The following NAV2 variants were observed in gnomAD, a reference collection of about 807,000 sequenced individuals.
The protein encoded by NAV2 is neuron navigator 2, also known as helicase, APC down-regulated 1.
In NAV2, 54 loss-of-function variants were observed where a neutral mutation model predicts 223.2. That is an observed-to-expected ratio of 0.24 (90% CI 0.19 to 0.30). The LOEUF (loss-of-function observed/expected upper bound fraction) is 0.30. Among genes scored for constraint, NAV2 ranks in the 10% least tolerant of loss-of-function variants. The probability of loss-of-function intolerance (pLI) is 1.00; values close to 1 mark genes in which losing one functional copy is unlikely to be tolerated. For synonymous variants in NAV2, 1,279 were observed against 1,239.3 expected, an observed-to-expected ratio of 1.03 and a Z score of -0.67; for missense variants, 2,806 against 3,147.5, an observed-to-expected ratio of 0.89 and a Z score of 2.60.
intron 1 of NAV2, among the ~76,000 whole-genome samples, chr11:19,580,126 G>A (rs938750664): frequency 3.9e-5 from 6 of 152,070 alleles, no homozygotes; most frequent in Non-Finnish European, 8.8e-5. Flanking sequence ...TGACCCAACC[G>A]GGGGGTGGGG....
At chr11:19,636,996 C>T (rs2047521351) in intron 1 of NAV2, among the ~76,000 whole-genome samples, 1 of 152,242 alleles carries the variant, frequency 6.6e-6, no homozygotes, top group South Asian at 2.1e-4. Flanking sequence ...CGTAGCTCAG[C>T]AGTTCTAACT....
At chr11:19,419,205 G>A (rs1173655281) in intron 1 of NAV2, among the ~76,000 whole-genome samples, 2 of 152,128 alleles carry the variant, frequency 1.3e-5, no homozygotes, top group Non-Finnish European at 2.9e-5. Flanking sequence ...ACTGTATTTT[G>A]CTCATCTTTG....
intron 1 of NAV2, among the ~76,000 whole-genome samples, chr11:19,569,466 T>C (rs1178003936): frequency 6.6e-6 from 1 of 152,228 alleles, no homozygotes; most frequent in African/African-American, 2.4e-5. Flanking sequence ...GAAAAACCCA[T>C]AAAATTTTTT....
At chr11:19,772,652 C>T (rs576674393) in intron 1 of NAV2, among the ~76,000 whole-genome samples, 10 of 152,320 alleles carry the variant, frequency 6.6e-5, no homozygotes, top group African/African-American at 2.4e-4. Context: ...CATGGGGTGC[C>T]ACAGTGCTTC....
chr11:19,515,327 A>ACAGCT (rs2043411494), intron 1 of NAV2, among the ~76,000 whole-genome samples: 1 of 152,218 alleles, frequency 6.6e-6, no homozygotes, highest in African/African-American at 2.4e-5. Flanking sequence ...CACAGCACTT[A>ACAGCT]CAGCTCAAAT....
chr11:19,949,333 C>A (rs2047195584), intron 10 of NAV2, among the ~76,000 whole-genome samples: 1 of 152,180 alleles, frequency 6.6e-6, no homozygotes, highest in Non-Finnish European at 1.5e-5. Flanking sequence ...CGCATCAGTC[C>A]CTTAAACCAA....
intron 2 of NAV2, among the ~76,000 whole-genome samples, chr11:19,841,364 T>G (rs568174366): frequency 6.6e-6 from 1 of 152,346 alleles, no homozygotes; most frequent in Non-Finnish European, 1.5e-5. Flanking sequence ...TTCTAAAATC[T>G]TGGAGGCTTG....
At position 20,045,149 on chromosome 11, in the gene NAV2, T is replaced by A; in HGVS notation, c.3381T>A (p.Gly1127=). The part of the protein sequence containing the change: ...ANSFGFKKQS[G]SAAGLAMITA... Reference sequence around the variant, plus strand: ...GCTTTGGGTTCAAGAAGCAGAGTGGTTCCGCCGCCGGCCTGGCCATGATCA... The same window carrying A: ...GCTTTGGGTTCAAGAAGCAGAGTGGATCCGCCGCCGGCCTGGCCATGATCA... Residue 1127 remains glycine, a synonymous_variant, in exon 14 of 38, where the codon GGT becomes GGA. Transcript: ENST00000349880. The A allele has an allele frequency of 6.2e-7, 1 of 1,614,066 alleles. No individual in the cohort carries two copies. The highest frequency in any genetic ancestry group is 8.5e-7 in the Non-Finnish European group (1 of 1,179,968).
At chr11:19,352,484 G>A (rs1421672673) in intron 1 of NAV2, among the ~76,000 whole-genome samples, 7 of 152,156 alleles carry the variant, frequency 4.6e-5, no homozygotes, top group African/African-American at 1.7e-4. Flanking sequence ...TCTTGGCTCT[G>A]GCTGTGTTGG....
intron 1 of NAV2, among the ~76,000 whole-genome samples, chr11:19,691,941 A>G (rs976079407): frequency 1.3e-5 from 2 of 152,196 alleles, no homozygotes; most frequent in Non-Finnish European, 2.9e-5. Context: ...AGGAGACAGG[A>G]GCTGACAACA....
At chr11:19,894,140 T>C (rs988556431) in intron 6 of NAV2, among the ~76,000 whole-genome samples, 17 of 152,346 alleles carry the variant, frequency 1.1e-4, no homozygotes, top group Middle Eastern at 3.4e-3. Flanking sequence ...ATTTTACCCC[T>C]ATTTTACGAA....
chr11:19,487,607 G>C (rs1190501238), intron 1 of NAV2, among the ~76,000 whole-genome samples: 1 of 152,130 alleles, frequency 6.6e-6, no homozygotes, highest in Non-Finnish European at 1.5e-5. Flanking sequence ...ATGTTACATA[G>C]GTCCATGTGG....
At position 20,032,828 on chromosome 11, in the gene NAV2, G is replaced by A. The variant is rs139167473; in HGVS notation, c.2769-3131G>A. ...CAGAAACTTGCTCTATCTTGCCTCTGCACATTGAGTTTGTCAGGAGGTATT... is the reference window on the plus strand; with the variant it reads ...CAGAAACTTGCTCTATCTTGCCTCTACACATTGAGTTTGTCAGGAGGTATT... On this transcript the variant is annotated intron_variant, in intron 11 of 37. Coordinates refer to ENST00000349880, the MANE Select transcript of NAV2 (RefSeq NM_145117.5). Among the ~76,000 whole-genome samples, 481 of 152,298 alleles carry A rather than the reference G, an allele frequency of 3.2e-3. 3 individuals are homozygous for A. The highest frequency in any genetic ancestry group is 0.011 in the African/African-American group (472 of 41,560).
chr11:19,834,939 T>C (rs2060151232), intron 2 of NAV2, among the ~76,000 whole-genome samples: 2 of 152,196 alleles, frequency 1.3e-5, no homozygotes, highest in Admixed American at 6.5e-5. Context: ...ATGTTCCAGA[T>C]AGCACTTGGC....
chr11:19,510,706 A>G (rs1261274492), intron 1 of NAV2, among the ~76,000 whole-genome samples: 1 of 152,222 alleles, frequency 6.6e-6, no homozygotes, highest in African/African-American at 2.4e-5. Context: ...TTTTCGGGCA[A>G]CAGGTTACCC....
In NAV2 at chr11:19,898,123, A is replaced by T. The variant is rs113030580; in HGVS notation, c.931+5529A>T. Among the ~76,000 whole-genome samples the T allele has an allele frequency of 4.4e-3, 675 of 152,132 alleles. 4 individuals are homozygous for T. Among genetic ancestry groups the T allele is most frequent in the African/African-American group, 0.015 (641 of 41,510 alleles). On this transcript the variant is annotated intron_variant, in intron 6 of 37. Coordinates refer to ENST00000349880, the MANE Select transcript of NAV2 (RefSeq NM_145117.5). ...ATTTCTAAAGTATTTGGTCCATATT[A>T]TGAATTTGAAACATTTGGTATTCCT... is the stretch of plus-strand genomic sequence containing the variant.
rs116438456 is a variant in NAV2 at position 19,807,308 on chromosome 11, C to T, written c.268-25176C>T. 7.6e-3 allele frequency among the ~76,000 whole-genome samples: 1,162 copies of T among 152,274 alleles called. 24 individuals are homozygous for T. Among genetic ancestry groups the T allele is most frequent in the African/African-American group, 0.027 (1,105 of 41,538 alleles). On this transcript the variant is annotated intron_variant, in intron 1 of 37. Transcript: ENST00000349880. Reference sequence around the variant, plus strand: ...GAACCCTGAAGCAGGAGAGTGAAAACAGCCGGCCTCCTCCACCCTCACCTT... The same window carrying T: ...GAACCCTGAAGCAGGAGAGTGAAAATAGCCGGCCTCCTCCACCCTCACCTT...
intron 36 of NAV2, among the ~76,000 whole-genome samples, chr11:20,108,841 G>C (rs562095244): frequency 6.6e-6 from 1 of 152,292 alleles, no homozygotes; most frequent in East Asian, 1.9e-4. Context: ...TTTTATTGTT[G>C]AGCCTGGAGG....
chr11:19,932,961 A>G (rs942303639), intron 6 of NAV2, among the ~76,000 whole-genome samples: 9 of 152,184 alleles, frequency 5.9e-5, no homozygotes, highest in South Asian at 2.1e-4. Context: ...CCAAAATGTG[A>G]TGGGGTTGGG....
Sources: allele counts gnomAD v4.1 joint callset (sites outside exome capture counted in the v4.1 genomes callset), GRCh38; gene constraint gnomAD v4.1.1; transcripts MANE v1.5; gene names NCBI Gene and HGNC (gene_info 2026-07-23, HGNC 2026-07-21).